Variants in SLC36A1 observed in about 807,000 individuals in gnomAD.
The protein encoded by SLC36A1 is solute carrier family 36 member 1, also known as proton-coupled amino acid transporter 1.
In SLC36A1, 30 loss-of-function variants were observed where a neutral mutation model predicts 47.5. That is an observed-to-expected ratio of 0.63 (90% CI 0.47 to 0.86). The LOEUF is 0.86. Ranked by LOEUF, SLC36A1 falls within the 40% of genes least tolerant of loss-of-function variation. The pLI is 0.00. For synonymous variants in SLC36A1, 255 were observed against 249.7 expected (o/e 1.02, Z -0.20); for missense variants, 517 against 606.0 (o/e 0.85, Z 1.54).
intron 1 of SLC36A1, among the ~76,000 whole-genome samples, chr5:151,437,728 A>G (rs1759855353): frequency 6.6e-6 from 1 of 152,206 alleles, no homozygotes; most frequent in South Asian, 2.1e-4. Flanking sequence ...ATTTTAGATT[A>G]TAAATAATAT....
At position 151,490,829 on chromosome 5, in the gene SLC36A1, A is replaced by T. The variant is rs1760049161; in HGVS notation, c.*2575A>T. 1 of 152,246 alleles carries T rather than the reference A, an allele frequency of 6.6e-6. No homozygotes were observed. Among genetic ancestry groups the T allele is most frequent in the Non-Finnish European group, 1.5e-5 (1 of 68,148 alleles). 9.4% of individuals were successfully genotyped at this position (152,246 alleles called of 1,614,324 possible). On this transcript the variant is annotated 3_prime_UTR_variant, in exon 11 of 11. Transcript: ENST00000243389. Reference sequence around the variant, plus strand: ...TCAGCCAGTCAGTAGTAGTGGGAGGAAGCCCTTCCTCCTCTTATGCAAGCA... The same window carrying T: ...TCAGCCAGTCAGTAGTAGTGGGAGGTAGCCCTTCCTCCTCTTATGCAAGCA...
chr5:151,521,679 G>T, the SLC36A1 span: 1 of 1,613,998 alleles, frequency 6.2e-7, no homozygotes, highest in South Asian at 1.1e-5. Flanking sequence ...CCTCGGGGGT[G>T]AGCTGGTAGA....
the SLC36A1 span, among the ~76,000 whole-genome samples, chr5:151,429,562 G>C: frequency 6.6e-6 from 1 of 151,892 alleles, no homozygotes; most frequent in Middle Eastern, 3.4e-3. Context: ...GTATTCCATG[G>C]TGTATATGTG....
At chr5:151,505,849 G>C in the SLC36A1 span, 1 of 1,611,014 alleles carries the variant, frequency 6.2e-7, no homozygotes, top group Admixed American at 1.7e-5. Flanking sequence ...GGACTAGGGG[G>C]CCGAGAGGGC....
chr5:151,533,986 T>C, the SLC36A1 span, among the ~76,000 whole-genome samples: 1 of 152,194 alleles, frequency 6.6e-6, no homozygotes, highest in Non-Finnish European at 1.5e-5. Context: ...TCAACTTCAC[T>C]CTTCAGAAAA....
the SLC36A1 span, chr5:151,549,408 T>C: frequency 1.2e-6 from 2 of 1,614,140 alleles, no homozygotes. Flanking sequence ...TGCCTCATAA[T>C]GGAGCTGAGT....
the SLC36A1 span, chr5:151,528,012 G>A: frequency 1.3e-3 from 2,098 of 1,614,132 alleles, 2 homozygotes; most frequent in Non-Finnish European, 1.7e-3. Flanking sequence ...CCGGTCCAGG[G>A]CCTTGGCCAC....
the SLC36A1 span, chr5:151,378,338 G>A: frequency 2.0e-5 from 4 of 195,948 alleles, no homozygotes; most frequent in East Asian, 1.2e-4. Context: ...CATCCTCCTC[G>A]TCTGTTAAAT....
the SLC36A1 span, among the ~76,000 whole-genome samples, chr5:151,361,173 A>C: frequency 2.0e-5 from 3 of 152,060 alleles, no homozygotes; most frequent in Non-Finnish European, 2.9e-5. Context: ...TTCTATCAGC[A>C]CTCTCTTCCA....
intron 7 of SLC36A1, among the ~76,000 whole-genome samples, chr5:151,472,856 C>T (rs1300628551): frequency 1.3e-5 from 2 of 152,110 alleles, no homozygotes; most frequent in African/African-American, 4.8e-5. Context: ...ACTTAGTTAT[C>T]TCAATTTTTA....
the SLC36A1 span, chr5:151,504,424 C>T: frequency 2.0e-5 from 3 of 152,674 alleles, no homozygotes; most frequent in South Asian, 2.1e-4. Flanking sequence ...TGTGTACACA[C>T]GTACTATCCA....
the SLC36A1 span, among the ~76,000 whole-genome samples, chr5:151,347,786 C>A: frequency 2.0e-5 from 3 of 152,094 alleles, no homozygotes; most frequent in African/African-American, 7.2e-5. Flanking sequence ...ATCTATTAAG[C>A]CCTGTACTAA....
chr5:151,509,088 G>T, the SLC36A1 span, among the ~76,000 whole-genome samples: 1 of 152,174 alleles, frequency 6.6e-6, no homozygotes, highest in East Asian at 1.9e-4. Context: ...ACAGTATGAG[G>T]CACAGACAGC....
At chr5:151,521,751 C>T in the SLC36A1 span, 28 of 1,613,926 alleles carry the variant, frequency 1.7e-5, no homozygotes, top group East Asian at 6.0e-4. Flanking sequence ...ACACATGGAC[C>T]CCAGCAGTCG....
chr5:151,505,908 C>T, the SLC36A1 span: 47 of 1,590,484 alleles, frequency 3.0e-5, no homozygotes, highest in Non-Finnish European at 3.8e-5. Context: ...GAGAGGTGCC[C>T]GCTTGTTTTC....
the SLC36A1 span, among the ~76,000 whole-genome samples, chr5:151,403,972 G>A: frequency 1.3e-5 from 2 of 152,128 alleles, no homozygotes; most frequent in African/African-American, 4.8e-5. Context: ...TCCAGAATTT[G>A]TTAGTCTTCT....
chr5:151,537,743 G>A, the SLC36A1 span: 1 of 1,557,646 alleles, frequency 6.4e-7, no homozygotes, highest in Non-Finnish European at 8.7e-7. Flanking sequence ...TGGGCACTTG[G>A]TATTCAGTAA....
the SLC36A1 span, among the ~76,000 whole-genome samples, chr5:151,538,703 A>C: frequency 6.6e-6 from 1 of 152,122 alleles, no homozygotes; most frequent in Non-Finnish European, 1.5e-5. Flanking sequence ...TTTGAGACAG[A>C]GTCTCACTCT....
the SLC36A1 span, among the ~76,000 whole-genome samples, chr5:151,528,718 G>T: frequency 6.6e-6 from 1 of 152,046 alleles, no homozygotes; most frequent in Non-Finnish European, 1.5e-5. Flanking sequence ...TGGGAGTATG[G>T]GTGGACAGAA....
Sources: gnomAD v4.1 joint callset for allele counts (sites outside exome capture counted in the v4.1 genomes callset) on GRCh38, gnomAD v4.1.1 for gene constraint, MANE v1.5 for transcripts, NCBI Gene and HGNC (gene_info 2026-07-23, HGNC 2026-07-21) for gene names.